Variants in LYZL4 observed in about 807,000 individuals in gnomAD.
LYZL4 encodes the protein lysozyme like 4.
Under a neutral mutation model 17.6 loss-of-function variants are expected in LYZL4, and 13 were observed. The observed-to-expected ratio is 0.74, with a 90% CI of 0.48 to 1.18. The LOEUF is 1.18. Ranked by LOEUF, LYZL4 falls within the 50% of genes most tolerant of loss-of-function variation. The pLI, the probability that LYZL4 is intolerant of heterozygous loss-of-function variation, is 0.00. For synonymous variants in LYZL4, 64 were observed against 67.7 expected (o/e 0.95, Z 0.27); for missense variants, 174 against 188.2 (o/e 0.92, Z 0.44).
At chr3:42,363,662 C>T in the LYZL4 span, among the ~76,000 whole-genome samples, 1 of 152,226 alleles carries the variant, frequency 6.6e-6, no homozygotes, top group East Asian at 1.9e-4. Flanking sequence ...AACCAGATAG[C>T]CCAAGTTGCT....
intron 4 of LYZL4, among the ~76,000 whole-genome samples, chr3:42,400,358 C>T (rs1698633866): frequency 6.6e-6 from 1 of 152,148 alleles, no homozygotes; most frequent in Non-Finnish European, 1.5e-5. Context: ...AACCTGGTGA[C>T]CTGAGGCTTG....
chr3:42,375,749 G>C, the LYZL4 span, among the ~76,000 whole-genome samples: 1 of 152,158 alleles, frequency 6.6e-6, no homozygotes, highest in Non-Finnish European at 1.5e-5. Flanking sequence ...CCTTATTAAA[G>C]AATATATTAT....
the LYZL4 span, among the ~76,000 whole-genome samples, chr3:42,371,626 C>T: frequency 6.6e-6 from 1 of 152,294 alleles, no homozygotes; most frequent in East Asian, 1.9e-4. Context: ...TATTGAGAAA[C>T]ATCCAAATGA....
chr3:42,365,317 A>G, the LYZL4 span, among the ~76,000 whole-genome samples: 1 of 152,250 alleles, frequency 6.6e-6, no homozygotes, highest in Non-Finnish European at 1.5e-5. Context: ...TAAAGGGTGT[A>G]TCAGTCACCA....
chr3:42,377,625 CTG>C, the LYZL4 span, among the ~76,000 whole-genome samples: 5,738 of 143,580 alleles, frequency 0.04, 185 homozygotes, highest in African/African-American at 0.11. Context: ...GCATGACTCT[CTG>C]TGTGTGTGTG....
chr3:42,368,396 A>G, the LYZL4 span, among the ~76,000 whole-genome samples: 19 of 152,208 alleles, frequency 1.2e-4, no homozygotes, highest in African/African-American at 4.6e-4. Flanking sequence ...TAAAGTTTCC[A>G]TGGGCTGAGA....
the LYZL4 span, among the ~76,000 whole-genome samples, chr3:42,386,395 G>GCTCCCCCCCCCC: frequency 9.3e-6 from 1 of 107,462 alleles, no homozygotes. Context: ...GAGCCACCAC[G>GCTCCCCCCCCCC]CCCCCCCCCC....
At chr3:42,373,323 G>A in the LYZL4 span, among the ~76,000 whole-genome samples, 1 of 152,162 alleles carries the variant, frequency 6.6e-6, no homozygotes, top group Non-Finnish European at 1.5e-5. Flanking sequence ...CTGGACATTT[G>A]TCATCAGCTG....
chr3:42,408,303 G>A (rs898242525), intron 1 of LYZL4, among the ~76,000 whole-genome samples: 8 of 152,140 alleles, frequency 5.3e-5, no homozygotes, highest in South Asian at 2.1e-4. Flanking sequence ...TTATCAGGAC[G>A]AATCTATTAA....
the LYZL4 span, among the ~76,000 whole-genome samples, chr3:42,385,421 G>A: frequency 2.6e-5 from 4 of 152,166 alleles, no homozygotes; most frequent in Non-Finnish European, 5.9e-5. Flanking sequence ...CAAGTCTGTA[G>A]CCTAGGAACA....
chr3:42,384,900 T>C, the LYZL4 span, among the ~76,000 whole-genome samples: 8 of 152,198 alleles, frequency 5.3e-5, no homozygotes, highest in Non-Finnish European at 1.5e-5. Flanking sequence ...GCAAATTCTT[T>C]AGAGAATTGG....
the LYZL4 span, among the ~76,000 whole-genome samples, chr3:42,377,793 T>C: frequency 6.6e-6 from 1 of 152,256 alleles, no homozygotes. Context: ...CTGTGCAGCT[T>C]AGTCATCTTA....
the LYZL4 span, among the ~76,000 whole-genome samples, chr3:42,385,515 T>A: frequency 2.6e-5 from 4 of 152,334 alleles, no homozygotes. Flanking sequence ...ATTCACATGA[T>A]GACAAAATTG....
At chr3:42,385,686 C>G in the LYZL4 span, among the ~76,000 whole-genome samples, 2 of 152,172 alleles carry the variant, frequency 1.3e-5, no homozygotes, top group Admixed American at 6.6e-5. Context: ...GCTACCCTCA[C>G]CACTTTCTAG....
At chr3:42,378,895 A>C in the LYZL4 span, among the ~76,000 whole-genome samples, 1 of 152,180 alleles carries the variant, frequency 6.6e-6, no homozygotes, top group East Asian at 1.9e-4. Context: ...AGAAAACTGA[A>C]TTACATAAAG....
intron 1 of LYZL4, 150 bp from the exon 2 acceptor site, chr3:42,407,493 T>G: frequency 3.7e-6 from 2 of 544,582 alleles, no homozygotes; most frequent in Middle Eastern, 1.0e-3. Flanking sequence ...CTCCTCCTCT[T>G]GACCTCCTAT....
chr3:42,388,774 T>G, the LYZL4 span, among the ~76,000 whole-genome samples: 3 of 152,256 alleles, frequency 2.0e-5, no homozygotes, highest in Admixed American at 6.5e-5. Context: ...GCTGAGGCTG[T>G]TTTTGACATG....
chr3:42,367,854 T>A, the LYZL4 span, among the ~76,000 whole-genome samples: 1 of 152,200 alleles, frequency 6.6e-6, no homozygotes, highest in African/African-American at 2.4e-5. Context: ...ATGTTTATTA[T>A]GTAATATTTG....
chr3:42,368,409 G>A, the LYZL4 span, among the ~76,000 whole-genome samples: 1 of 152,150 alleles, frequency 6.6e-6, no homozygotes, highest in Admixed American at 6.5e-5. Flanking sequence ...GGCTGAGAAC[G>A]TTTTAGAACA....
Sources: allele counts gnomAD v4.1 joint callset (sites outside exome capture counted in the v4.1 genomes callset), GRCh38; gene constraint gnomAD v4.1.1; transcripts MANE v1.5; gene names NCBI Gene and HGNC (gene_info 2026-07-23, HGNC 2026-07-21).